Variants in CFAP57 observed in about 807,000 individuals in gnomAD.
CFAP57 encodes cilia and flagella associated protein 57, also known as cilia- and flagella-associated protein 57.
Under a neutral mutation model 146.8 loss-of-function variants are expected in CFAP57, and 116 were observed. The observed-to-expected ratio is 0.79, with a 90% CI of 0.68 to 0.92. CFAP57 has a LOEUF of 0.92. Ranked by LOEUF, CFAP57 falls within the 40% of genes least tolerant of loss-of-function variation. The pLI, the probability that CFAP57 is intolerant of heterozygous loss-of-function variation, is 0.00. For synonymous variants in CFAP57, 518 were observed against 552.8 expected (o/e 0.94, Z 0.88); for missense variants, 1,377 against 1,527.2 (o/e 0.90, Z 1.64).
intron 22 of CFAP57, among the ~76,000 whole-genome samples, chr1:43,249,644 G>A (rs552723884): frequency 5.0e-5 from 6 of 120,500 alleles, no homozygotes; most frequent in South Asian, 2.6e-4. Context: ...GGGTTTCACC[G>A]TGTTTGCCCA....
intron 9 of CFAP57, among the ~76,000 whole-genome samples, chr1:43,202,895 T>C (rs6429634): frequency 0.98 from 148,956 of 152,226 alleles, 72,966 homozygotes; most frequent in East Asian, 1. Flanking sequence ...ATCTGTAGGC[T>C]GGGCGCAGTG....
rs560977502 is a variant in CFAP57 at position 43,234,314 on chromosome 1, A to G, written c.3162A>G (p.Lys1054=). 1.3e-6 allele frequency: 2 copies of G among 1,549,966 alleles called. No homozygotes were observed. ...TGGAAGCGCTGGTCAAAAGGTTTAAAACAGACCTCCACAACTGCGTAGCCT... is the reference window on the plus strand; with the variant it reads ...TGGAAGCGCTGGTCAAAAGGTTTAAGACAGACCTCCACAACTGCGTAGCCT... ...RDLEALVKRF[K]TDLHNCVAYI... Residue 1054 remains lysine (K), a synonymous_variant, in exon 20 of 23, where the codon AAA becomes AAG. Transcript: ENST00000372492.
Position 43,238,971 on chromosome 1 carries a change from T to C in CFAP57, c.3406-4256T>C, listed in dbSNP as rs970956408. Among the ~76,000 whole-genome samples, 11 of 152,194 alleles carry C rather than the reference T, an allele frequency of 7.2e-5. No homozygotes were observed. The East Asian group carries it at 2.1e-3, about 30-fold the overall frequency. On this transcript the variant is annotated intron_variant, in intron 21 of 22. Coordinates refer to ENST00000372492, the MANE Select transcript of CFAP57 (RefSeq NM_001378189.1). The surrounding 1 kb of genome is among the most constrained non-coding windows in gnomAD (Gnocchi z 4.3). ...ATCCAATCAACCCTTGCAATTGTGG[T>C]TACTCTTATTATCGTTATCATCAAG...
At chr1:43,237,035 C>T (rs1356429195) in intron 21 of CFAP57, among the ~76,000 whole-genome samples, 1 of 152,118 alleles carries the variant, frequency 6.6e-6, no homozygotes, top group Non-Finnish European at 1.5e-5. Flanking sequence ...TGCCTGTGGA[C>T]TGCAGGTGGC....
intron 22 of CFAP57, among the ~76,000 whole-genome samples, chr1:43,244,866 G>A (rs2991992): frequency 0.36 from 54,435 of 151,834 alleles, 10,126 homozygotes; most frequent in Non-Finnish European, 0.41. Context: ...TTGCACTACC[G>A]CACTCCAGCC....
intron 6 of CFAP57, among the ~76,000 whole-genome samples, chr1:43,190,281 T>A (rs1281194955): frequency 2.7e-5 from 4 of 145,556 alleles, no homozygotes; most frequent in African/African-American, 1.0e-4. Flanking sequence ...TTTTTTTTTT[T>A]TTTTTTTGAG....
At position 43,201,917 on chromosome 1, in the gene CFAP57, C is replaced by T. The variant is rs191598227; in HGVS notation, c.1542+2414C>T. 1.2e-3 allele frequency among the ~76,000 whole-genome samples: 177 copies of T among 152,236 alleles called. 3 individuals carry two copies. Among genetic ancestry groups the T allele is most frequent in the African/African-American group, 4.2e-3 (173 of 41,540 alleles). On this transcript the variant is annotated intron_variant, in intron 9 of 22. Coordinates refer to ENST00000372492, the MANE Select transcript of CFAP57 (RefSeq NM_001378189.1). This position sits in a 1 kb window ranked among gnomAD's most constrained non-coding sequence, Gnocchi z 4.4. ...GGCGTGAGCCACCGCGCCTGGCCCA[C>T]GGACATTATTAATGAGAGCTGCTGA...
intron 6 of CFAP57, among the ~76,000 whole-genome samples, chr1:43,194,180 AT>A (rs61209749): frequency 6.6e-6 from 1 of 151,240 alleles, no homozygotes; most frequent in Non-Finnish European, 1.5e-5. Context: ...TTTTTTGGTA[AT>A]TTTTTTTCAC....
At chr1:43,200,635 A>T (rs1480370667) in intron 9 of CFAP57, among the ~76,000 whole-genome samples, 2 of 152,204 alleles carry the variant, frequency 1.3e-5, no homozygotes, top group Non-Finnish European at 2.9e-5. Context: ...GAATTTGGAG[A>T]TAAGAGGCCA....
intron 21 of CFAP57, among the ~76,000 whole-genome samples, chr1:43,237,473 T>C (rs1203284181): frequency 1.3e-5 from 2 of 152,196 alleles, no homozygotes; most frequent in South Asian, 2.1e-4. Context: ...GAGTTAATCA[T>C]TGGGAACCTG....
At chr1:43,197,426 C>G in intron 6 of CFAP57, 127 bp from the exon 7 acceptor site, 7 of 1,080,098 alleles carry the variant, frequency 6.5e-6, no homozygotes, top group Non-Finnish European at 9.9e-6. Context: ...AATATTCAAA[C>G]AGTTTAGCCA....
intron 6 of CFAP57, among the ~76,000 whole-genome samples, chr1:43,190,884 T>A (rs1643478112): frequency 6.6e-6 from 1 of 152,122 alleles, no homozygotes; most frequent in African/African-American, 2.4e-5. Flanking sequence ...AATTTACTAG[T>A]ATTTTGTTGA....
Position 43,228,412 on chromosome 1 carries a change from T to C in CFAP57, c.3009+1286T>C, listed in dbSNP as rs115053503. On this transcript the variant is annotated intron_variant, in intron 18 of 22. Coordinates refer to ENST00000372492, the MANE Select transcript of CFAP57 (RefSeq NM_001378189.1). ...AAATAGGCTTCTGCTCCCTCCTCCA[T>C]CTTCTCTAATTGTTTGTGCTGAGCC... Among the ~76,000 whole-genome samples, 851 of 127,766 alleles carry C rather than the reference T, an allele frequency of 6.7e-3. 50 individuals are homozygous for C. Among genetic ancestry groups the C allele is most frequent in the Non-Finnish European group, 0.011 (682 of 61,318 alleles). 83.8% of individuals were successfully genotyped at this position (127,766 alleles called of 152,430 possible).
At chr1:43,186,463 T>G (rs3929392) in intron 5 of CFAP57, among the ~76,000 whole-genome samples, 27,316 of 151,526 alleles carry the variant, frequency 0.18, 3,562 homozygotes, top group African/African-American at 0.35. Context: ...TACAAAAAAT[T>G]AGCCAAGCGC....
intron 12 of CFAP57, among the ~76,000 whole-genome samples, chr1:43,216,941 A>G (rs561703974): frequency 3.5e-4 from 54 of 152,340 alleles, no homozygotes; most frequent in African/African-American, 1.2e-3. Flanking sequence ...GAGTATCACA[A>G]AGAAGGGAAT....
intron 2 of CFAP57, among the ~76,000 whole-genome samples, chr1:43,174,740 C>T (rs569461144): frequency 1.4e-4 from 21 of 152,240 alleles, no homozygotes; most frequent in Admixed American, 1.1e-3. Flanking sequence ...TGCTTGAACC[C>T]GGGAGGCAGA....
chr1:43,188,863 T>G (rs1643317226), intron 6 of CFAP57, among the ~76,000 whole-genome samples: 1 of 152,246 alleles, frequency 6.6e-6, no homozygotes, highest in Admixed American at 6.5e-5. Context: ...CCTCTGTATT[T>G]CTTCTAAGAG....
At chr1:43,208,718 C>G (rs1644464249) in intron 10 of CFAP57, among the ~76,000 whole-genome samples, 2 of 152,058 alleles carry the variant, frequency 1.3e-5, no homozygotes, top group Non-Finnish European at 1.5e-5. Flanking sequence ...GGGTGCAGCA[C>G]ACCAACATGG....
At chr1:43,214,425 A>G (rs1045661221) in intron 11 of CFAP57, among the ~76,000 whole-genome samples, 1 of 152,094 alleles carries the variant, frequency 6.6e-6, no homozygotes, top group Non-Finnish European at 1.5e-5. Flanking sequence ...AATCCATCCA[A>G]GTTGTGTTGT....
Sources: gnomAD v4.1 joint callset for allele counts (sites outside exome capture counted in the v4.1 genomes callset) on GRCh38, gnomAD v4.1.1 for gene constraint, Gnocchi (gnomAD v3.1) non-coding constraint, MANE v1.5 for transcripts, NCBI Gene and HGNC (gene_info 2026-07-23, HGNC 2026-07-21) for gene names.